Variants in CHAF1A observed in about 807,000 individuals in gnomAD.
CHAF1A encodes CAF-1 subunit A.
CHAF1A carries 5 observed loss-of-function variants against 93.2 expected under a neutral mutation model. The ratio of observed to expected loss-of-function variants is 0.05; its 90% CI spans 0.03 to 0.11. The LOEUF is 0.11. Among genes scored for constraint, CHAF1A ranks in the 10% least tolerant of loss-of-function variants. The probability of loss-of-function intolerance (pLI) is 1.00; values close to 1 mark genes in which losing one functional copy is unlikely to be tolerated. For synonymous variants in CHAF1A, 504 were observed against 510.3 expected (o/e 0.99, Z 0.17); for missense variants, 1,102 against 1,259.9 (o/e 0.87, Z 1.90).
At position 4,442,320 on chromosome 19, in the gene CHAF1A, G is replaced by C; in HGVS notation, c.2749G>C (p.Val917Leu). Residue 917 changes from valine (V) to leucine (L), a missense_variant, in exon 14 of 15, where the codon GTG becomes CTG. Coordinates refer to ENST00000301280, the MANE Select transcript of CHAF1A (RefSeq NM_005483.3). ...EEEEEGDCMIVDVPDAAEVQA... is the reference protein window; with the variant it reads ...EEEEEGDCMILDVPDAAEVQA... The stretch of plus-strand genomic sequence containing the variant: ...AGAGGAGGAGGGCGACTGTATGATC[G>C]TGGATGTCCCGGATGCTGCGGGTGA... 6.2e-7 allele frequency: 1 copy of C among 1,606,448 alleles called. No homozygotes were observed. Among genetic ancestry groups the C allele is most frequent in the Non-Finnish European group, 8.5e-7 (1 of 1,176,026 alleles).
chr19:4,429,717 G>A lies in CHAF1A; in HGVS notation c.1783G>A (p.Asp595Asn), dbSNP rs757203814. The A allele has an allele frequency of 2.5e-6, 4 of 1,614,108 alleles. No individual in the cohort carries two copies. The highest frequency in any genetic ancestry group is 2.2e-5 in the South Asian group (2 of 91,076). Reference protein sequence around the residue: ...DPWAQDTKLLDYEVDSDEEWE... With the variant: ...DPWAQDTKLLNYEVDSDEEWE... ...GTGTTTCTTTTCTCAGAAGCTCCTG[G>A]ACTATGAGGTGGACAGTGATGAGGA... The change falls in exon 10 of 15, where the codon GAC (aspartate) becomes AAC (asparagine). Residue 595 changes from aspartate (D) to asparagine (N), a missense_variant. Physicochemically the swap from Asp to Asn is conservative, Grantham distance 23 (BLOSUM62 1). Coordinates refer to ENST00000301280, the MANE Select transcript of CHAF1A (RefSeq NM_005483.3).
At chr19:4,447,287 C>T, downstream of CHAF1A, 5 of 574,088 alleles carry the variant, frequency 8.7e-6, no homozygotes, top group South Asian at 8.2e-5. Context: ...TCGACATGTT[C>T]CCAAACAAGC....
intron 4 of CHAF1A, among the ~76,000 whole-genome samples, chr19:4,419,398 T>G (rs1973951720): frequency 6.6e-6 from 1 of 151,726 alleles, no homozygotes; most frequent in African/African-American, 2.4e-5. Context: ...CCACACTGAG[T>G]TTTTGTGTTT....
In CHAF1A at chr19:4,409,635, A is replaced by C; in HGVS notation, c.836A>C (p.Asp279Ala). ...GTGCTGGAATCTTTCCCCGAAGAAG[A>C]CTCTGTACTCAGCCATTCGTCCCTG... ...SEVLESFPEEDSVLSHSSLSS... is the reference protein window; with the variant it reads ...SEVLESFPEEASVLSHSSLSS... Residue 279 changes from aspartate to alanine, a missense_variant, in exon 3 of 15, where the codon GAC becomes GCC. Physicochemically the swap from Asp to Ala is moderately radical, Grantham distance 126. Transcript: ENST00000301280. The C allele has an allele frequency of 6.2e-7, 1 of 1,613,606 alleles. No individual in the cohort carries two copies. Among genetic ancestry groups the C allele is most frequent in the African/African-American group, 1.3e-5 (1 of 74,730 alleles).
downstream of CHAF1A, chr19:4,445,676 G>T (rs973574753): frequency 6.3e-7 from 1 of 1,585,124 alleles, no homozygotes; most frequent in Non-Finnish European, 8.6e-7. Flanking sequence ...CCTTGCCGCG[G>T]CAGGGAACTC....
intron 8 of CHAF1A, 23 bp from the exon 9 acceptor site, chr19:4,429,415 G>A (rs751925962): frequency 6.2e-7 from 1 of 1,611,456 alleles, no homozygotes; most frequent in Non-Finnish European, 8.5e-7. Flanking sequence ...GCGTGATCCT[G>A]AGCCTGGGGT....
chr19:4,435,310 C>A (rs1974264284), intron 13 of CHAF1A, among the ~76,000 whole-genome samples: 1 of 151,370 alleles, frequency 6.6e-6, no homozygotes, highest in Admixed American at 6.6e-5. Context: ...AATCTCCTGA[C>A]CTCGTGATCC....
At chr19:4,404,029 C>T (rs1391902765) in intron 1 of CHAF1A, among the ~76,000 whole-genome samples, 2 of 151,566 alleles carry the variant, frequency 1.3e-5, no homozygotes, top group Non-Finnish European at 2.9e-5. Context: ...CCATGTTGGG[C>T]AGGCTGGTCT....
intron 1 of CHAF1A, 37 bp from the exon 2 acceptor site, chr19:4,405,875 A>G: frequency 6.3e-7 from 1 of 1,592,956 alleles, no homozygotes; most frequent in South Asian, 1.1e-5. Context: ...TTATTTGCAG[A>G]ATTTAACAGT....
chr19:4,425,445 G>T (rs764338437), intron 7 of CHAF1A, among the ~76,000 whole-genome samples: 4 of 151,910 alleles, frequency 2.6e-5, no homozygotes, highest in Non-Finnish European at 5.9e-5. Context: ...GTAGAGACGG[G>T]GTTTCACCAT....
chr19:4,408,844 C>T (rs562687602), intron 2 of CHAF1A, 59 bp from the exon 3 acceptor site: 9 of 1,534,722 alleles, frequency 5.9e-6, no homozygotes, highest in South Asian at 2.6e-5. Context: ...AATTTTCAAG[C>T]TCATGAGTGG....
At chr19:4,430,838 G>A in intron 11 of CHAF1A, 197 bp downstream of exon 11, 1 of 579,508 alleles carries the variant, frequency 1.7e-6, no homozygotes, top group Non-Finnish European at 3.1e-6. Context: ...GCAGACGTAG[G>A]AGGAGCTTGC....
rs576452695 is a variant in CHAF1A, at chr19:4,422,002, T to C, written c.1018-564T>C. 6.0e-4 allele frequency among the ~76,000 whole-genome samples: 91 copies of C among 151,168 alleles called. No homozygotes were observed. Among genetic ancestry groups the C allele is most frequent in the African/African-American group, 2.1e-3 (88 of 41,316 alleles). ...GACTACGGGTACCCTCCACCACGCC[T>C]GGCTAATTTTTTTTTTTTTTTTTAT... On this transcript the variant is annotated intron_variant, in intron 4 of 14. Coordinates refer to ENST00000301280, the MANE Select transcript of CHAF1A (RefSeq NM_005483.3). This position sits in a 1 kb window ranked among gnomAD's most constrained non-coding sequence, Gnocchi z 4.6.
downstream of CHAF1A, chr19:4,448,611 G>A (rs530606447): frequency 2.2e-4 from 129 of 598,310 alleles, 1 homozygote; most frequent in Non-Finnish European, 2.4e-4. Flanking sequence ...CAGAGGCGAC[G>A]CAGCCAAGAC....
intron 14 of CHAF1A, 93 bp downstream of exon 14, chr19:4,442,434 TC>T: frequency 9.4e-7 from 1 of 1,061,560 alleles, no homozygotes; most frequent in Non-Finnish European, 1.4e-6. Flanking sequence ...TAAGACTAGC[TC>T]CACTGTGAGC....
At chr19:4,412,157 G>A (rs778666982) in intron 3 of CHAF1A, among the ~76,000 whole-genome samples, 2 of 152,156 alleles carry the variant, frequency 1.3e-5, no homozygotes, top group Admixed American at 6.6e-5. Flanking sequence ...TCCCCATTGG[G>A]CATCCTGTAG....
rs897730451 is a variant in CHAF1A at position 4,443,009 on chromosome 19, C to T, written c.2855C>T (p.Pro952Leu). 22 of 1,591,134 alleles carry T rather than the reference C, an allele frequency of 1.4e-5. No homozygotes were observed. The highest frequency in any genetic ancestry group is 1.7e-4 in the Middle Eastern group (1 of 6,048). The change falls in exon 15 of 15, where the codon CCA (proline) becomes CTA (leucine). Residue 952 changes from proline to leucine, a missense_variant. By Grantham distance (98) the Pro-to-Leu change is moderately conservative. Coordinates refer to ENST00000301280, the MANE Select transcript of CHAF1A (RefSeq NM_005483.3). The part of the protein sequence containing the change: ...DTGKATLTAS[P>L]LGAS ...GGCAAGGCCACCCTGACCGCGAGCC[C>T]ACTGGGTGCATCCTGAGAGCAGGGG...
rs560737542 is a variant in CHAF1A, at chr19:4,413,706, C to T, written c.960+3947C>T. 5.9e-5 allele frequency among the ~76,000 whole-genome samples: 9 copies of T among 152,250 alleles called. No homozygotes were observed. In the South Asian group the frequency reaches 1.0e-3, roughly 18 times the overall value. On this transcript the variant is annotated intron_variant, in intron 3 of 14. Coordinates refer to ENST00000301280, the MANE Select transcript of CHAF1A (RefSeq NM_005483.3). Reference sequence around the variant, plus strand: ...AATAAAAGAAAATGGGAGTTTGTTCCGATACAGGTCCTGCTGTCCCTTTGC... The same window carrying T: ...AATAAAAGAAAATGGGAGTTTGTTCTGATACAGGTCCTGCTGTCCCTTTGC...
intron 10 of CHAF1A, 181 bp downstream of exon 10, chr19:4,429,969 A>C (rs1486473599): frequency 8.4e-6 from 5 of 592,722 alleles, no homozygotes; most frequent in Admixed American, 3.2e-5. Context: ...TCTCTCGAAA[A>C]ATCTCATCTG....
Sources: allele counts gnomAD v4.1 joint callset (sites outside exome capture counted in the v4.1 genomes callset), GRCh38; gene constraint gnomAD v4.1.1; non-coding constraint Gnocchi (gnomAD v3.1); transcripts MANE v1.5; gene names NCBI Gene and HGNC (gene_info 2026-07-23, HGNC 2026-07-21).